RPAP3: variants seen among roughly 807,000 people sequenced by gnomAD.
RPAP3 encodes RNA polymerase II associated protein 3, also known as RNA polymerase II-associated protein 3.
Under a neutral mutation model 88.8 loss-of-function variants are expected in RPAP3, and 58 were observed. The observed-to-expected ratio is 0.65, with a 90% CI of 0.53 to 0.81. RPAP3 has a LOEUF of 0.81. Among genes scored for constraint, RPAP3 ranks in the 40% least tolerant of loss-of-function variants. The probability of loss-of-function intolerance (pLI) is 0.00; values close to 1 mark genes in which losing one functional copy is unlikely to be tolerated. For synonymous variants in RPAP3, 255 were observed against 259.9 expected (o/e 0.98, Z 0.18); for missense variants, 751 against 764.3 (o/e 0.98, Z 0.20).
At chr12:47,682,343 A>C (rs1939237497) in intron 9 of RPAP3, among the ~76,000 whole-genome samples, 1 of 152,178 alleles carries the variant, frequency 6.6e-6, no homozygotes, top group Non-Finnish European at 1.5e-5. Flanking sequence ...AGACTTACTC[A>C]TTACTGCTCT....
intron 7 of RPAP3, 36 bp downstream of exon 7, chr12:47,689,089 G>T: frequency 1.1e-6 from 1 of 898,056 alleles, no homozygotes. Context: ...TCAAATAAAG[G>T]TCATAATACA....
In RPAP3 at chr12:47,681,755, G is replaced by A; in HGVS notation, c.1055C>T (p.Ala352Val). The change falls in exon 10 of 17, where the codon GCT (alanine) becomes GTT (valine). Residue 352 changes from alanine to valine, a missense_variant. Physicochemically the swap from Ala to Val is moderately conservative, Grantham distance 64 (BLOSUM62 0). Transcript: ENST00000005386. ...AILLDGSYSK[A>V]FARRGTARTF... ...TCTTGCAGTTCCTCTTCTGGCAAAAGCTTTAGAATATGAGCCATCTAATAA... is the reference window on the plus strand; with the variant it reads ...TCTTGCAGTTCCTCTTCTGGCAAAAACTTTAGAATATGAGCCATCTAATAA... The A allele has an allele frequency of 6.2e-7, 1 of 1,611,968 alleles. No homozygotes were observed. Among genetic ancestry groups the A allele is most frequent in the Non-Finnish European group, 8.5e-7 (1 of 1,179,116 alleles).
chr12:47,697,405 G>A (rs904591637), intron 4 of RPAP3, among the ~76,000 whole-genome samples, 192 bp downstream of exon 4: 4 of 152,126 alleles, frequency 2.6e-5, no homozygotes, highest in African/African-American at 9.7e-5. Context: ...TCAGAGATTT[G>A]AACCCAGGTA....
chr12:47,663,801 C>A (rs1393312798), intron 16 of RPAP3, among the ~76,000 whole-genome samples: 1 of 152,152 alleles, frequency 6.6e-6, no homozygotes, highest in African/African-American at 2.4e-5. Flanking sequence ...GAATATTTTG[C>A]TTTAGCAGTA....
At chr12:47,682,659 T>G (rs1389812821) in intron 9 of RPAP3, among the ~76,000 whole-genome samples, 2 of 151,586 alleles carry the variant, frequency 1.3e-5, no homozygotes, top group East Asian at 3.9e-4. Context: ...TGTATAAGTT[T>G]GAAAAGTTTC....
At chr12:47,680,950 C>CA (rs996479317) in intron 10 of RPAP3, among the ~76,000 whole-genome samples, 22 of 86,622 alleles carry the variant, frequency 2.5e-4, no homozygotes, top group Admixed American at 3.8e-4. Flanking sequence ...TACTGGGATT[C>CA]AAAAAAAAAC....
chr12:47,693,409 T>C (rs1187444296), intron 5 of RPAP3, among the ~76,000 whole-genome samples: 1 of 152,190 alleles, frequency 6.6e-6, no homozygotes, highest in African/African-American at 2.4e-5. Flanking sequence ...ATAATAAATC[T>C]GAAATACTGC....
In RPAP3 at chr12:47,679,497, G is replaced by A. The variant is rs1376214944; in HGVS notation, c.1283C>T (p.Ser428Leu). 1.3e-6 allele frequency: 2 copies of A among 1,587,334 alleles called. No individual in the cohort carries two copies. The highest frequency in any genetic ancestry group is 1.7e-6 in the Non-Finnish European group (2 of 1,160,920). Residue 428 changes from serine to leucine, a missense_variant, in exon 12 of 17, where the codon TCA becomes TTA. By Grantham distance (145) the Ser-to-Leu change is moderately radical (BLOSUM62 -2). Transcript: ENST00000005386. Reference protein sequence around the residue: ...KPIDNPPHPGSTKPLKKVIIE... With the variant: ...KPIDNPPHPGLTKPLKKVIIE... The stretch of plus-strand genomic sequence containing the variant: ...AAATGAAAGTGCTTTACTTACAGTT[G>A]ATCCAGGATGCGGTGGATTATCAAT...
intron 9 of RPAP3, among the ~76,000 whole-genome samples, chr12:47,684,409 T>C (rs1251515596): frequency 6.6e-6 from 1 of 152,216 alleles, no homozygotes; most frequent in African/African-American, 2.4e-5. Flanking sequence ...TTATAGAACC[T>C]CAAGCTATAG....
intron 16 of RPAP3, 93 bp downstream of exon 16, chr12:47,666,887 C>T (rs181070898): frequency 6.3e-6 from 3 of 475,968 alleles, no homozygotes; most frequent in African/African-American, 4.1e-5. Flanking sequence ...TAACCTTATA[C>T]ACAATAAGTA....
chr12:47,666,760 C>T (rs1409617253), intron 16 of RPAP3, among the ~76,000 whole-genome samples: 2 of 152,196 alleles, frequency 1.3e-5, no homozygotes, highest in Non-Finnish European at 2.9e-5. Context: ...ACAGTACCTA[C>T]ACTTCATAAT....
intron 10 of RPAP3, among the ~76,000 whole-genome samples, 198 bp downstream of exon 10, chr12:47,681,498 T>C (rs1939221437): frequency 6.6e-6 from 1 of 152,234 alleles, no homozygotes. Context: ...TTAGCCAGAA[T>C]GCTACTAAAC....
intron 12 of RPAP3, among the ~76,000 whole-genome samples, chr12:47,674,678 C>A (rs1013471833): frequency 2.6e-5 from 4 of 151,532 alleles, no homozygotes; most frequent in African/African-American, 9.7e-5. Context: ...TGAAATAAAG[C>A]GACAAGACAA....
intron 15 of RPAP3, 45 bp from the exon 16 acceptor site, chr12:47,667,125 C>CTG: frequency 2.3e-6 from 2 of 862,400 alleles, no homozygotes; most frequent in South Asian, 5.5e-5. Context: ...TTAAAAGCAG[C>CTG]TCATTTATTA....
chr12:47,675,072 A>G (rs1333628516), intron 12 of RPAP3, among the ~76,000 whole-genome samples: 1 of 152,224 alleles, frequency 6.6e-6, no homozygotes, highest in African/African-American at 2.4e-5. Flanking sequence ...TACAAGCCAG[A>G]AGACAGTAGG....
chr12:47,677,449 A>C (rs1313396011), intron 12 of RPAP3, among the ~76,000 whole-genome samples: 1 of 152,142 alleles, frequency 6.6e-6, no homozygotes, highest in Non-Finnish European at 1.5e-5. Context: ...GAGGAAGTCA[A>C]ATTGTTGTGT....
intron 13 of RPAP3, 54 bp from the exon 14 acceptor site, chr12:47,669,156 A>C (rs765193500): frequency 1.9e-5 from 24 of 1,252,456 alleles, no homozygotes; most frequent in Non-Finnish European, 2.7e-5. Flanking sequence ...ATCATAGCTC[A>C]ATCAAGGAGA....
intron 5 of RPAP3, 56 bp downstream of exon 5, chr12:47,696,218 TAA>T: frequency 7.5e-7 from 1 of 1,339,380 alleles, no homozygotes; most frequent in Non-Finnish European, 9.8e-7. Flanking sequence ...TTTTTTTTAA[TAA>T]GTCTCCATAT....
At chr12:47,702,181 T>A (rs1460402237) in intron 2 of RPAP3, among the ~76,000 whole-genome samples, 1 of 152,220 alleles carries the variant, frequency 6.6e-6, no homozygotes, top group African/African-American at 2.4e-5. Flanking sequence ...CAGTAACTAC[T>A]CACTAAGCCT....
Sources: allele counts gnomAD v4.1 joint callset (sites outside exome capture counted in the v4.1 genomes callset), GRCh38; gene constraint gnomAD v4.1.1; transcripts MANE v1.5; gene names NCBI Gene and HGNC (gene_info 2026-07-23, HGNC 2026-07-21).